CD226: variants seen among roughly 807,000 people sequenced by gnomAD.
CD226 encodes CD226 antigen.
Under a neutral mutation model 34.9 loss-of-function variants are expected in CD226, and 24 were observed. The observed-to-expected ratio is 0.69, with a 90% confidence interval of 0.50 to 0.97. The LOEUF (loss-of-function observed/expected upper bound fraction) is 0.97, where lower values mean the gene tolerates loss of function less well. CD226 is among the 50% of genes least tolerant of loss of function. The pLI, the probability that CD226 is intolerant of heterozygous loss-of-function variation, is 0.00. For missense variants in CD226, 397 were observed against 412.7 expected (o/e 0.96, Z 0.33); for synonymous variants, 148 against 147.4 (o/e 1.00, Z -0.03).
At chr18:69,948,428 G>C (rs2055818316), upstream of CD226, among the ~76,000 whole-genome samples, 1 of 152,210 alleles carries the variant, frequency 6.6e-6, no homozygotes, top group African/African-American at 2.4e-5. Flanking sequence ...ATTGGGAAAA[G>C]TAGGAGCAGA....
At chr18:69,913,616 C>G (rs1207417851) in intron 2 of CD226, among the ~76,000 whole-genome samples, 1 of 152,112 alleles carries the variant, frequency 6.6e-6, no homozygotes, top group East Asian at 1.9e-4. Context: ...CTTAGAGTAA[C>G]AACCTTTGTA....
At position 69,867,379 on chromosome 18, in the gene CD226, G is replaced by A; in HGVS notation, c.863C>T (p.Thr288Ile). 6.3e-7 allele frequency: 1 copy of A among 1,596,482 alleles called. No homozygotes were observed. Among genetic ancestry groups the A allele is most frequent in the East Asian group, 2.2e-5 (1 of 44,750 alleles). The change falls in exon 5 of 6, where the codon ACA (threonine) becomes ATA (isoleucine). Residue 288 changes from threonine (T) to isoleucine (I), a missense_variant. Physicochemically the swap from Thr to Ile is moderately conservative, Grantham distance 89 (BLOSUM62 -1). Transcript: ENST00000582621. ...TACCTTCTGTGTATCCCAGGACTCTGTAAATAGATCTCTTCTCTCTCTCCT... is the reference window on the plus strand; with the variant it reads ...TACCTTCTGTGTATCCCAGGACTCTATAAATAGATCTCTTCTCTCTCTCCT... ...RRRRERRDLF[T>I]ESWDTQKAPN...
At chr18:69,959,307 C>T (rs2055918723), upstream of CD226, among the ~76,000 whole-genome samples, 1 of 152,138 alleles carries the variant, frequency 6.6e-6, no homozygotes, top group Non-Finnish European at 1.5e-5. Flanking sequence ...TGAAGATTAC[C>T]ACTCAGAGAT....
chr18:69,955,862 C>CAAAAAA (rs10659184), intron 1 of CD226, among the ~76,000 whole-genome samples: 21 of 83,218 alleles, frequency 2.5e-4, no homozygotes, highest in African/African-American at 7.3e-4. Context: ...GACTCCATCT[C>CAAAAAA]AAAAAAAAAA....
intron 3 of CD226, among the ~76,000 whole-genome samples, chr18:69,891,949 C>A (rs1196800728): frequency 6.6e-6 from 1 of 152,192 alleles, no homozygotes; most frequent in Non-Finnish European, 1.5e-5. Flanking sequence ...CATATTAATA[C>A]ATAACTTAGA....
chr18:69,908,288 T>C (rs149565958), intron 2 of CD226, among the ~76,000 whole-genome samples: 39 of 152,368 alleles, frequency 2.6e-4, no homozygotes, highest in African/African-American at 9.1e-4. Flanking sequence ...AAATATTTGT[T>C]TGTTTCTTGT....
intron 2 of CD226, among the ~76,000 whole-genome samples, chr18:69,903,651 C>A (rs753836517): frequency 2.6e-5 from 4 of 151,956 alleles, no homozygotes; most frequent in African/African-American, 4.8e-5. Flanking sequence ...GAAATTCTGA[C>A]ACAGGCATGA....
chr18:69,961,386 T>G (rs1303284687), upstream of CD226, among the ~76,000 whole-genome samples: 1 of 152,232 alleles, frequency 6.6e-6, no homozygotes, highest in East Asian at 1.9e-4. Flanking sequence ...ATTAAGCAGG[T>G]CAGGCTATGA....
chr18:69,946,180 C>CAA (rs60750165), intron 2 of CD226, among the ~76,000 whole-genome samples: 2 of 66,370 alleles, frequency 3.0e-5, no homozygotes, highest in African/African-American at 7.3e-5. Flanking sequence ...AAGACTCCAT[C>CAA]AAAAAAAAAA....
At chr18:69,907,410 C>T (rs1444046462) in intron 2 of CD226, among the ~76,000 whole-genome samples, 2 of 152,196 alleles carry the variant, frequency 1.3e-5, no homozygotes, top group Non-Finnish European at 2.9e-5. Context: ...TGGGTTCAAG[C>T]AATTCTGCTG....
chr18:69,893,663 GTC>G (rs1447015114), intron 3 of CD226, among the ~76,000 whole-genome samples: 3 of 152,120 alleles, frequency 2.0e-5, no homozygotes, highest in Non-Finnish European at 4.4e-5. Context: ...TTTTGTCTGT[GTC>G]TGAAGGAACA....
chr18:69,878,013 C>T (rs1013757055), intron 3 of CD226, among the ~76,000 whole-genome samples: 5 of 152,034 alleles, frequency 3.3e-5, no homozygotes, highest in African/African-American at 4.8e-5. Context: ...CTTGCTGGGC[C>T]CTGTATGGCT....
chr18:69,868,899 G>A (rs1248843940), intron 4 of CD226, among the ~76,000 whole-genome samples: 1 of 152,156 alleles, frequency 6.6e-6, no homozygotes, highest in Non-Finnish European at 1.5e-5. Flanking sequence ...GGAACTTAGA[G>A]TCAAATGATC....
In CD226 at chr18:69,892,869, A is replaced by C. The variant is rs191431036; in HGVS notation, c.727+2832T>G. ...CTATAAAAGAAGTCATTGAGAACTA[A>C]CAAAAGTATGTACAGCAATTTATAA... is the stretch of plus-strand genomic sequence containing the variant. On this transcript the variant is annotated intron_variant, in intron 3 of 5. Coordinates refer to ENST00000582621, the MANE Select transcript of CD226 (RefSeq NM_001303618.2). Among the ~76,000 whole-genome samples the C allele has an allele frequency of 7.2e-4, 110 of 152,354 alleles. 1 individual carries two copies. Among genetic ancestry groups the C allele is most frequent in the African/African-American group, 2.5e-3 (102 of 41,588 alleles).
At chr18:69,882,839 T>A (rs983806042) in intron 3 of CD226, among the ~76,000 whole-genome samples, 5 of 152,154 alleles carry the variant, frequency 3.3e-5, no homozygotes, top group Non-Finnish European at 5.9e-5. Context: ...AACATTTTTT[T>A]AAATTGTTTG....
In CD226 at chr18:69,861,234, C is replaced by T. The variant is rs1382232390; in HGVS notation, c.*3080G>A. The T allele has an allele frequency of 6.6e-6, 1 of 151,768 alleles. No homozygotes were observed. Among genetic ancestry groups the T allele is most frequent in the Non-Finnish European group, 1.5e-5 (1 of 67,854 alleles). 9.4% of individuals were successfully genotyped at this position (151,768 alleles called of 1,614,324 possible). On this transcript the variant is annotated 3_prime_UTR_variant, in exon 6 of 6. Transcript: ENST00000582621. The stretch of plus-strand genomic sequence containing the variant: ...TTACTAAAAATTATATCTTCACCTA[C>T]CTGCCTCCCATTTTAAGCATGATTA...
intron 3 of CD226, among the ~76,000 whole-genome samples, chr18:69,879,838 C>T (rs1984107635): frequency 6.6e-6 from 1 of 152,228 alleles, no homozygotes; most frequent in South Asian, 2.1e-4. Flanking sequence ...TGACTTCCCA[C>T]AGCACCATTT....
At chr18:69,935,533 G>A (rs2055641977) in intron 2 of CD226, among the ~76,000 whole-genome samples, 1 of 152,204 alleles carries the variant, frequency 6.6e-6, no homozygotes, top group East Asian at 1.9e-4. Context: ...TCATGTGTGA[G>A]GCCACAGTCC....
At chr18:69,890,325 G>A (rs1984816443) in intron 3 of CD226, among the ~76,000 whole-genome samples, 1 of 152,098 alleles carries the variant, frequency 6.6e-6, no homozygotes, top group East Asian at 1.9e-4. Flanking sequence ...GGCCAGGTGT[G>A]GTGGTTCACA....
Sources: allele counts gnomAD v4.1 joint callset (sites outside exome capture counted in the v4.1 genomes callset), GRCh38; gene constraint gnomAD v4.1.1; transcripts MANE v1.5; gene names NCBI Gene and HGNC (gene_info 2026-07-23, HGNC 2026-07-21).